The following NLN variants were observed in gnomAD, a reference collection of about 807,000 sequenced individuals.
NLN encodes the protein neurolysin.
A neutral mutation model predicts 79.9 loss-of-function variants in NLN; 64 were observed. The ratio of observed to expected loss-of-function variants is 0.80; its 90% CI spans 0.65 to 0.99. NLN has a LOEUF of 0.99. Ranked by LOEUF, NLN falls within the 50% of genes least tolerant of loss-of-function variation. The pLI is 0.00. For synonymous variants in NLN, 267 were observed against 296.6 expected (o/e 0.90, Z 1.02); for missense variants, 835 against 858.7 (o/e 0.97, Z 0.34).
At chr5:65,809,735 T>C (rs1760502757) in intron 10 of NLN, 34 bp downstream of exon 10, 1 of 1,469,024 alleles carries the variant, frequency 6.8e-7, no homozygotes, top group African/African-American at 1.4e-5. Flanking sequence ...GAAAATAAAT[T>C]AGAATCTCTT....
intron 9 of NLN, among the ~76,000 whole-genome samples, chr5:65,803,912 A>G (rs991332026): frequency 1.3e-5 from 2 of 152,228 alleles, no homozygotes; most frequent in African/African-American, 4.8e-5. Flanking sequence ...CACTGCCATC[A>G]GTAGTATTGC....
chr5:65,741,663 A>G (rs1758871895), intron 1 of NLN, among the ~76,000 whole-genome samples: 1 of 152,218 alleles, frequency 6.6e-6, no homozygotes, highest in Non-Finnish European at 1.5e-5. Context: ...CAATTTATTC[A>G]TGTTTCTAGA....
In NLN at chr5:65,758,811, G is replaced by A. The variant is rs1293592724; in HGVS notation, c.286G>A (p.Glu96Lys). The A allele has an allele frequency of 6.2e-7, 1 of 1,613,644 alleles. No homozygotes were observed. ...ENCLQALADV[E>K]VKYIVERTML... ...CTGTCTGCAGGCACTGGCAGATGTA[G>A]AAGTAAAGTATATAGGTGGGTCAGA... is the stretch of plus-strand genomic sequence containing the variant. The change falls in exon 2 of 13, where the codon GAA (glutamate) becomes AAA (lysine). Residue 96 changes from glutamate (E) to lysine (K), a missense_variant. By Grantham distance (56) the Glu-to-Lys change is moderately conservative (BLOSUM62 1). Coordinates refer to ENST00000380985, the MANE Select transcript of NLN (RefSeq NM_020726.5).
chr5:65,747,486 A>T (rs1759006711), intron 1 of NLN, among the ~76,000 whole-genome samples: 1 of 152,114 alleles, frequency 6.6e-6, no homozygotes, highest in Admixed American at 6.5e-5. Context: ...GAAGGACTGG[A>T]AGTTGGGGTT....
Position 65,725,238 on chromosome 5 carries a change from CA to C in NLN, c.41+2825del, listed in dbSNP as rs1579900287. ...GTTTAAGATGAAGAAAATCCCACCT[CA>C]CAGTCATATGAAGTTGGAAAGAAGA... On this transcript the variant is annotated intron_variant, in intron 1 of 12. Coordinates refer to ENST00000380985, the MANE Select transcript of NLN (RefSeq NM_020726.5). 2.0e-5 allele frequency among the ~76,000 whole-genome samples: 3 copies of C among 152,304 alleles called. No individual in the cohort carries two copies. The East Asian group carries it at 5.8e-4, about 29-fold the overall frequency.
chr5:65,764,831 TG>T (rs1759417883), intron 3 of NLN, among the ~76,000 whole-genome samples: 1 of 152,256 alleles, frequency 6.6e-6, no homozygotes, highest in Admixed American at 6.5e-5. Flanking sequence ...CTATTGTGTT[TG>T]TTTTTGCATT....
chr5:65,775,291 G>A (rs939294503), intron 3 of NLN, among the ~76,000 whole-genome samples: 1 of 152,266 alleles, frequency 6.6e-6, no homozygotes, highest in East Asian at 1.9e-4. Context: ...GCATTCTTCA[G>A]CTATTGAGGC....
intron 12 of NLN, among the ~76,000 whole-genome samples, chr5:65,820,858 A>G (rs969176589): frequency 2.6e-5 from 4 of 152,058 alleles, no homozygotes; most frequent in African/African-American, 4.8e-5. Context: ...CCTGGCCAAC[A>G]TCGCAAAACC....
rs1230914598 is a variant in NLN at position 65,819,928 on chromosome 5, CTA to C, written c.1981-2851_1981-2850del. 7.2e-5 allele frequency among the ~76,000 whole-genome samples: 11 copies of C among 152,198 alleles called. No homozygotes were observed. In the East Asian group the frequency reaches 1.9e-3, roughly 27 times the overall value. On this transcript the variant is annotated intron_variant, in intron 12 of 12. Transcript: ENST00000380985. ...AAACTTCATTGCAAAGGAAATGAAACTATTAAAAGACCATTGCTCTGTAATTC... is the reference window on the plus strand; with the variant it reads ...AAACTTCATTGCAAAGGAAATGAAACTTAAAAGACCATTGCTCTGTAATTC...
chr5:65,749,173 C>T (rs1229982701), intron 1 of NLN, among the ~76,000 whole-genome samples: 2 of 152,160 alleles, frequency 1.3e-5, no homozygotes, highest in Admixed American at 6.6e-5. Context: ...ATAAATTATC[C>T]AGTCTTGGGT....
chr5:65,793,412 C>T (rs1284060813), intron 9 of NLN: 3 of 153,330 alleles, frequency 2.0e-5, no homozygotes, highest in Admixed American at 1.3e-4. Context: ...CTTTGGGAGG[C>T]CAAGGTGGAA....
chr5:65,812,185 C>A lies in NLN; in HGVS notation c.1844-70C>A, dbSNP rs1760562010. On this transcript the variant is annotated intron_variant, in intron 11 of 12. Transcript: ENST00000380985. The stretch of plus-strand genomic sequence containing the variant: ...CACAGCTGGCCTCCTCAGAGGGAAA[C>A]CTTAGCTAGCTGTTAACCTGATCAT... 8 of 1,370,982 alleles carry A rather than the reference C, an allele frequency of 5.8e-6. No individual in the cohort carries two copies. The South Asian group carries it at 8.2e-5, about 14-fold the overall frequency. The allele number at this position is 1,370,982 out of a possible 1,614,324, so 84.9% of individuals were successfully genotyped here.
rs771112485 is a variant in NLN, at chr5:65,788,267, G to A, written c.1108G>A (p.Glu370Lys). 1.2e-6 allele frequency: 2 copies of A among 1,614,128 alleles called. No individual in the cohort carries two copies. The highest frequency in any genetic ancestry group is 1.1e-5 in the South Asian group (1 of 91,076). Reference protein sequence around the residue: ...DLYYYMTQTEELKYSIDQEFL... With the variant: ...DLYYYMTQTEKLKYSIDQEFL... Reference sequence around the variant, plus strand: ...ATATTACTACATGACTCAGACAGAGGAACTCAAGTATTCCATAGACCAAGA... The same window carrying A: ...ATATTACTACATGACTCAGACAGAGAAACTCAAGTATTCCATAGACCAAGA... Residue 370 changes from glutamate to lysine, a missense_variant, in exon 8 of 13, where the codon GAA (glutamate) becomes AAA (lysine). Glu to Lys is a moderately conservative substitution (Grantham distance 56, BLOSUM62 1). Transcript: ENST00000380985.
intron 2 of NLN, among the ~76,000 whole-genome samples, chr5:65,760,561 G>T (rs1406533135): frequency 6.6e-6 from 1 of 150,576 alleles, no homozygotes; most frequent in Non-Finnish European, 1.5e-5. Flanking sequence ...CACCCAGGCT[G>T]GAGTGCTATG....
At chr5:65,787,183 T>TG (rs978921880) in intron 7 of NLN, among the ~76,000 whole-genome samples, 1 of 152,162 alleles carries the variant, frequency 6.6e-6, no homozygotes, top group Non-Finnish European at 1.5e-5. Context: ...ATCTGAGAGT[T>TG]GGAGTCCAGC....
intron 9 of NLN, among the ~76,000 whole-genome samples, chr5:65,802,507 G>A (rs757215124): frequency 6.6e-6 from 1 of 152,220 alleles, no homozygotes; most frequent in Non-Finnish European, 1.5e-5. Context: ...TGGGTTCCCT[G>A]AAGGGCCACA....
intron 7 of NLN, among the ~76,000 whole-genome samples, chr5:65,787,032 G>A (rs888538152): frequency 6.6e-6 from 1 of 152,228 alleles, no homozygotes; most frequent in Non-Finnish European, 1.5e-5. Flanking sequence ...TTCCTTCAGT[G>A]GTGATTGCAT....
At chr5:65,814,838 G>A (rs532782024) in intron 12 of NLN, among the ~76,000 whole-genome samples, 8 of 152,222 alleles carry the variant, frequency 5.3e-5, no homozygotes, top group Non-Finnish European at 8.8e-5. Context: ...AATATTTAAT[G>A]TAACTATTAC....
At position 65,792,804 on chromosome 5, in the gene NLN, C is replaced by T. The variant is rs1449693228; in HGVS notation, c.1527+149C>T. 6.0e-5 allele frequency: 42 copies of T among 705,796 alleles called. No individual in the cohort carries two copies. In the Admixed American group the frequency reaches 8.4e-4, roughly 14 times the overall value. The allele number at this position is 705,796 out of a possible 1,614,324, so 43.7% of individuals were successfully genotyped here. A position where few individuals can be genotyped will look rare whatever the true frequency, so the allele number is the denominator to read the frequency against. On this transcript the variant is annotated intron_variant, in intron 9 of 12. Coordinates refer to ENST00000380985, the MANE Select transcript of NLN (RefSeq NM_020726.5). ...GGCCTTCTGCAAAACCAAAATTTTC[C>T]TTATCCTGTCCTCTTTCACAACATA...
Sources: allele counts gnomAD v4.1 joint callset (sites outside exome capture counted in the v4.1 genomes callset), GRCh38; gene constraint gnomAD v4.1.1; transcripts MANE v1.5; gene names NCBI Gene and HGNC (gene_info 2026-07-23, HGNC 2026-07-21).